Variants in GYS2 observed in about 807,000 individuals in gnomAD.
The protein encoded by GYS2 is glycogen synthase 2, also known as glycogen [starch] synthase, liver.
A neutral mutation model predicts 85.6 loss-of-function variants in GYS2; 80 were observed. The ratio of observed to expected loss-of-function variants is 0.93; its 90% CI spans 0.78 to 1.13. GYS2 has a LOEUF of 1.13. Among genes scored for constraint, GYS2 ranks in the 50% most tolerant of loss-of-function variants. The pLI, the probability that GYS2 is intolerant of heterozygous loss-of-function variation, is 0.00. For missense variants in GYS2, 881 were observed against 854.9 expected, an observed-to-expected ratio of 1.03 and a Z score of -0.38; for synonymous variants, 328 against 300.7, an observed-to-expected ratio of 1.09 and a Z score of -0.94.
chr12:21,572,012 G>T (rs1025720114), intron 4 of GYS2, among the ~76,000 whole-genome samples: 3 of 137,818 alleles, frequency 2.2e-5, no homozygotes, highest in African/African-American at 7.9e-5. Flanking sequence ...TGGGGCGGGG[G>T]GCAAAACAAG....
At position 21,559,189 on chromosome 12, in the gene GYS2, A is replaced by G. The variant is rs1944221133; in HGVS notation, c.1230-20T>C. 1 of 1,441,326 alleles carries G rather than the reference A, an allele frequency of 6.9e-7. No homozygotes were observed. Among genetic ancestry groups the G allele is most frequent in the Admixed American group, 1.7e-5 (1 of 59,596 alleles). 89.3% of individuals were successfully genotyped at this position (1,441,326 alleles called of 1,614,324 possible). On this transcript the variant is annotated intron_variant, in intron 9 of 15. Transcript: ENST00000261195. ...TCTCCTCTGCAGGGAAAAAATGTTA[A>G]TAACAAAAATAAAAACAGCTGGCAC...
chr12:21,554,281 C>T (rs956286026), intron 11 of GYS2, among the ~76,000 whole-genome samples: 1 of 151,950 alleles, frequency 6.6e-6, no homozygotes. Context: ...GAAGGACAGA[C>T]TGAGGCATTT....
At chr12:21,576,648 C>T (rs191822839) in intron 2 of GYS2, among the ~76,000 whole-genome samples, 2 of 152,122 alleles carry the variant, frequency 1.3e-5, no homozygotes. Context: ...AATCTAGTAA[C>T]TCAAAGTATA....
chr12:21,548,643 C>A (rs796101505), intron 11 of GYS2, among the ~76,000 whole-genome samples: 2 of 152,000 alleles, frequency 1.3e-5, no homozygotes, highest in African/African-American at 4.8e-5. Context: ...CAGTTCTGGG[C>A]CCACACTGGA....
At chr12:21,585,560 GAA>G (rs36121025) in intron 1 of GYS2, among the ~76,000 whole-genome samples, 14 of 115,764 alleles carry the variant, frequency 1.2e-4, no homozygotes, top group Admixed American at 2.7e-4. Context: ...ACTCCACCAG[GAA>G]AAAAAAAAAA....
chr12:21,559,789 T>C, intron 8 of GYS2, 79 bp from the exon 9 acceptor site: 1 of 918,138 alleles, frequency 1.1e-6, no homozygotes, highest in Non-Finnish European at 1.8e-6. Flanking sequence ...TGCTATTGTT[T>C]TGTTGACATT....
At chr12:21,582,606 T>TATAGATATAGAG (rs1944524556) in intron 1 of GYS2, among the ~76,000 whole-genome samples, 1 of 55,124 alleles carries the variant, frequency 1.8e-5, no homozygotes, top group African/African-American at 8.1e-5. Context: ...TAGATATAGA[T>TATAGATATAGAG]ATAGATATAG....
intron 5 of GYS2, among the ~76,000 whole-genome samples, chr12:21,564,447 G>T (rs1057003302): frequency 6.7e-6 from 1 of 148,968 alleles, no homozygotes; most frequent in African/African-American, 2.5e-5. Flanking sequence ...AAAAAAAAAA[G>T]AATCTTTTAC....
intron 11 of GYS2, among the ~76,000 whole-genome samples, chr12:21,553,795 T>C (rs1355573704): frequency 2.4e-5 from 1 of 42,498 alleles, no homozygotes; most frequent in East Asian, 6.4e-4. Context: ...TACACACATA[T>C]AACACACACA....
At chr12:21,543,686 C>T (rs573576154) in intron 12 of GYS2, among the ~76,000 whole-genome samples, 7 of 152,174 alleles carry the variant, frequency 4.6e-5, no homozygotes, top group East Asian at 1.9e-4. Context: ...ATCAACCCAT[C>T]GTCTAGGTTT....
chr12:21,537,155 G>A lies in GYS2; in HGVS notation c.1911C>T (p.Pro637=), dbSNP rs774923069. ...SPPTTEGFKY[P]RPSSVPPSPS... is the part of the protein sequence containing the mutation. ...GAGAAGGTGGTACTGAGGAAGGCCT[G>A]GGATATTTAAATCCTTCTGTCTGCC... The change falls in exon 16 of 16, where the codon CCC becomes CCT. Residue 637 remains proline, a synonymous_variant. Transcript: ENST00000261195. 4.3e-6 allele frequency: 7 copies of A among 1,613,208 alleles called. No individual in the cohort carries two copies. The highest frequency in any genetic ancestry group is 5.9e-6 in the Non-Finnish European group (7 of 1,179,398).
intron 11 of GYS2, among the ~76,000 whole-genome samples, chr12:21,546,997 C>T (rs1338662856): frequency 6.6e-6 from 1 of 152,106 alleles, no homozygotes; most frequent in African/African-American, 2.4e-5. Flanking sequence ...AACCTCCCTC[C>T]TCTCTCAGCT....
At chr12:21,566,496 A>C (rs1944322346) in intron 5 of GYS2, among the ~76,000 whole-genome samples, 1 of 152,210 alleles carries the variant, frequency 6.6e-6, no homozygotes, top group Non-Finnish European at 1.5e-5. Flanking sequence ...AAGTCTGAAG[A>C]AGCCCAGATT....
intron 11 of GYS2, among the ~76,000 whole-genome samples, chr12:21,557,248 T>A (rs1426353320): frequency 6.6e-6 from 1 of 152,204 alleles, no homozygotes; most frequent in Non-Finnish European, 1.5e-5. Context: ...GGTAAGCAAT[T>A]ATCTGTTTGC....
At chr12:21,542,050 T>TA (rs917780187) in intron 13 of GYS2, among the ~76,000 whole-genome samples, 1 of 104,916 alleles carries the variant, frequency 9.5e-6, no homozygotes, top group Non-Finnish European at 2.3e-5. Context: ...TTTATAAATC[T>TA]ACTTTTTTTT....
chr12:21,537,921 T>G (rs1178722681), intron 15 of GYS2, among the ~76,000 whole-genome samples: 1 of 152,198 alleles, frequency 6.6e-6, no homozygotes, highest in Non-Finnish European at 1.5e-5. Flanking sequence ...ATAGCGCTCG[T>G]CACTCTGTAT....
chr12:21,555,688 T>C (rs1944170830), intron 11 of GYS2, among the ~76,000 whole-genome samples: 1 of 152,188 alleles, frequency 6.6e-6, no homozygotes, highest in African/African-American at 2.4e-5. Context: ...TTCTTTATCC[T>C]TTCCTAATTC....
At chr12:21,567,094 A>G (rs1459906427) in intron 5 of GYS2, among the ~76,000 whole-genome samples, 1 of 152,172 alleles carries the variant, frequency 6.6e-6, no homozygotes, top group Non-Finnish European at 1.5e-5. Context: ...AAGAAAAATA[A>G]AAAACATTAG....
chr12:21,579,534 A>C (rs139531538), intron 2 of GYS2, among the ~76,000 whole-genome samples: 20 of 151,958 alleles, frequency 1.3e-4, no homozygotes, highest in African/African-American at 4.8e-4. Context: ...TAATTTTTGT[A>C]TATCTAGTAG....
Sources: gnomAD v4.1 joint callset for allele counts (sites outside exome capture counted in the v4.1 genomes callset) on GRCh38, gnomAD v4.1.1 for gene constraint, MANE v1.5 for transcripts, NCBI Gene and HGNC (gene_info 2026-07-23, HGNC 2026-07-21) for gene names.